The following ACBD6 variants were observed in gnomAD, a reference collection of about 807,000 sequenced individuals.
ACBD6 encodes the protein acyl-CoA binding domain containing 6.
ACBD6 carries 28 observed loss-of-function variants against 37.2 expected under a neutral mutation model. That is an observed-to-expected ratio of 0.75 (90% CI 0.56 to 1.03). The LOEUF (loss-of-function observed/expected upper bound fraction) is 1.03. ACBD6 is among the 50% of genes least tolerant of loss of function. ACBD6 has a pLI of 0.00. For synonymous variants in ACBD6, 113 were observed against 126.8 expected (o/e 0.89, Z 0.73); for missense variants, 340 against 337.4 (o/e 1.01, Z -0.06).
chr1:180,301,136 A>C (rs925201628), intron 7 of ACBD6, among the ~76,000 whole-genome samples: 1 of 152,190 alleles, frequency 6.6e-6, no homozygotes, highest in Non-Finnish European at 1.5e-5. Context: ...ATGAGATTTT[A>C]CACAGAAACA....
At chr1:180,346,972 T>A (rs1041247788) in intron 6 of ACBD6, among the ~76,000 whole-genome samples, 1 of 152,054 alleles carries the variant, frequency 6.6e-6, no homozygotes, top group East Asian at 1.9e-4. Context: ...GCTGTGACCA[T>A]GCCACTGCAC....
At chr1:180,391,052 C>A (rs1454214099) in intron 6 of ACBD6, among the ~76,000 whole-genome samples, 1 of 152,060 alleles carries the variant, frequency 6.6e-6, no homozygotes, top group Non-Finnish European at 1.5e-5. Flanking sequence ...TTATTTTTGA[C>A]AAGAGTGCTA....
rs571740260 is a variant in ACBD6 at position 180,398,579 on chromosome 1, G to C, written c.574-974C>G. Among the ~76,000 whole-genome samples, 70 of 152,238 alleles carry C rather than the reference G, an allele frequency of 4.6e-4. No homozygotes were observed. In the East Asian group the frequency reaches 0.013, roughly 28 times the overall value. Reference sequence around the variant, plus strand: ...GAGAATGGATGACTAAATATTAGGAGATAAAGTACTAAATATGAAATATTA... The same window carrying C: ...GAGAATGGATGACTAAATATTAGGACATAAAGTACTAAATATGAAATATTA... On this transcript the variant is annotated intron_variant, in intron 5 of 7. Coordinates refer to ENST00000367595, the MANE Select transcript of ACBD6 (RefSeq NM_032360.4).
intron 4 of ACBD6, among the ~76,000 whole-genome samples, chr1:180,429,749 TAAA>T (rs1292348638): frequency 6.6e-6 from 1 of 152,058 alleles, no homozygotes; most frequent in Non-Finnish European, 1.5e-5. Context: ...TTAAACAAAT[TAAA>T]AAATTAAAAT....
chr1:180,330,458 C>T (rs1651435485), intron 6 of ACBD6, among the ~76,000 whole-genome samples: 1 of 151,864 alleles, frequency 6.6e-6, no homozygotes, highest in East Asian at 1.9e-4. Context: ...AAAAACCAAA[C>T]CAAAATCACA....
intron 9 of ACBD6, among the ~76,000 whole-genome samples, chr1:180,280,990 T>C (rs1345587462): frequency 6.6e-6 from 1 of 152,236 alleles, no homozygotes; most frequent in African/African-American, 2.4e-5. Flanking sequence ...ATGTTGCATC[T>C]TTCTTTTCAA....
chr1:180,349,895 C>A (rs1182084871), intron 6 of ACBD6, among the ~76,000 whole-genome samples: 2 of 151,890 alleles, frequency 1.3e-5, no homozygotes, highest in Non-Finnish European at 1.5e-5. Context: ...ACCATAAAAT[C>A]ACGTAAATAT....
chr1:180,381,244 T>C (rs531062429), intron 6 of ACBD6, among the ~76,000 whole-genome samples: 1 of 152,348 alleles, frequency 6.6e-6, no homozygotes, highest in African/African-American at 2.4e-5. Context: ...AAGGGCGGGA[T>C]AGACTCCAAT....
chr1:180,413,355 G>A lies in ACBD6; in HGVS notation c.573+11C>T. 1.2e-6 allele frequency: 2 copies of A among 1,605,474 alleles called. No individual in the cohort carries two copies. Among genetic ancestry groups the A allele is most frequent in the African/African-American group, 1.3e-5 (1 of 74,816 alleles). On this transcript the variant is annotated intron_variant, in intron 5 of 7. Coordinates refer to ENST00000367595, the MANE Select transcript of ACBD6 (RefSeq NM_032360.4). ...CATAGGAAAATAATTAACAGGGCAT[G>A]TTTTTCATACCTCTTCATCTTTCAC...
intron 7 of ACBD6, among the ~76,000 whole-genome samples, chr1:180,308,127 T>G (rs957123045): frequency 1.3e-5 from 2 of 152,228 alleles, no homozygotes; most frequent in Non-Finnish European, 2.9e-5. Flanking sequence ...ACTTATCCGC[T>G]GTAAAATTTC....
At chr1:180,273,634 G>C (rs546198737) in intron 11 of ACBD6, 13 of 153,948 alleles carry the variant, frequency 8.4e-5, no homozygotes, top group African/African-American at 3.1e-4. Context: ...CCAGTGAAGA[G>C]CTTATTGAAT....
intron 6 of ACBD6, among the ~76,000 whole-genome samples, chr1:180,357,698 T>C (rs549314676): frequency 1.2e-4 from 19 of 152,202 alleles, no homozygotes; most frequent in Non-Finnish European, 2.5e-4. Context: ...AGAGGTTCCC[T>C]AGAAGCTGGA....
chr1:180,377,563 T>A (rs1653480686), intron 6 of ACBD6, among the ~76,000 whole-genome samples: 3 of 152,066 alleles, frequency 2.0e-5, no homozygotes, highest in African/African-American at 4.8e-5. Context: ...AATTAGTAAA[T>A]GTAAAAGAAA....
chr1:180,340,202 C>CT (rs1010784058), intron 6 of ACBD6, among the ~76,000 whole-genome samples: 44 of 152,180 alleles, frequency 2.9e-4, no homozygotes, highest in African/African-American at 1.0e-3. Flanking sequence ...AGGATTTTGG[C>CT]TTTTATGTTT....
intron 7 of ACBD6, among the ~76,000 whole-genome samples, chr1:180,292,948 T>A (rs1471745827): frequency 6.6e-6 from 1 of 152,194 alleles, no homozygotes; most frequent in African/African-American, 2.4e-5. Context: ...TGAAGGGAAG[T>A]TGAATTTTGT....
At chr1:180,444,605 A>C (rs572099644) in intron 3 of ACBD6, among the ~76,000 whole-genome samples, 2 of 152,338 alleles carry the variant, frequency 1.3e-5, no homozygotes, top group East Asian at 3.9e-4. Context: ...AACTTTGGCT[A>C]CTTTACCCTC....
intron 5 of ACBD6, among the ~76,000 whole-genome samples, chr1:180,401,788 GA>G (rs1243663461): frequency 0.013 from 1,273 of 97,856 alleles, 18 homozygotes; most frequent in African/African-American, 0.038. Context: ...ATTCTGTCCA[GA>G]AAAAAAAAAA....
At chr1:180,460,314 C>CT (rs752358272) in intron 3 of ACBD6, among the ~76,000 whole-genome samples, 17 of 152,106 alleles carry the variant, frequency 1.1e-4, no homozygotes, top group Non-Finnish European at 1.5e-4. Context: ...AGGCTGCCAT[C>CT]TTTGCTGTTT....
chr1:180,448,552 C>T (rs1557875292), intron 3 of ACBD6, among the ~76,000 whole-genome samples: 1 of 152,046 alleles, frequency 6.6e-6, no homozygotes, highest in South Asian at 2.1e-4. Context: ...TGATTAAATT[C>T]CTAGTAGATT....
Sources: gnomAD v4.1 joint callset for allele counts (sites outside exome capture counted in the v4.1 genomes callset) on GRCh38, gnomAD v4.1.1 for gene constraint, MANE v1.5 for transcripts, NCBI Gene and HGNC (gene_info 2026-07-23, HGNC 2026-07-21) for gene names.